The following GAP43 variants were observed in gnomAD, a reference collection of about 807,000 sequenced individuals.
GAP43 encodes the protein neuromodulin.
A neutral mutation model predicts 18.6 loss-of-function variants in GAP43; 6 were observed. The observed-to-expected ratio is 0.32, with a 90% CI of 0.18 to 0.64. The LOEUF (loss-of-function observed/expected upper bound fraction) is 0.64, where lower values mean the gene tolerates loss of function less well. Ranked by LOEUF, GAP43 falls within the 30% of genes least tolerant of loss-of-function variation. The pLI is 0.78. For synonymous variants in GAP43, 115 were observed against 111.4 expected (o/e 1.03, Z -0.20); for missense variants, 292 against 295.5 (o/e 0.99, Z 0.09).
At chr3:115,692,915 C>T (rs535143673) in intron 2 of GAP43, among the ~76,000 whole-genome samples, 2 of 152,180 alleles carry the variant, frequency 1.3e-5, no homozygotes, top group South Asian at 2.1e-4. Flanking sequence ...ATTCGAAGGA[C>T]CAAAAAATCA....
At chr3:115,668,127 G>T (rs1708756370) in intron 1 of GAP43, among the ~76,000 whole-genome samples, 1 of 152,172 alleles carries the variant, frequency 6.6e-6, no homozygotes, top group Non-Finnish European at 1.5e-5. Flanking sequence ...TTTGACCCTT[G>T]ATTCAGTTAG....
intron 2 of GAP43, among the ~76,000 whole-genome samples, chr3:115,700,998 G>A (rs1029088236): frequency 9.2e-5 from 14 of 152,106 alleles, no homozygotes; most frequent in African/African-American, 3.4e-4. Context: ...ATGACAAAAT[G>A]TTTAAATTTA....
chr3:115,663,478 A>C, intron 1 of GAP43: 1 of 1,116,614 alleles, frequency 9.0e-7, no homozygotes, highest in Non-Finnish European at 1.1e-6. Context: ...TTCTCCCAGT[A>C]TTGCTTTCCC....
intron 1 of GAP43, among the ~76,000 whole-genome samples, chr3:115,630,980 G>A (rs1708253994): frequency 6.6e-6 from 1 of 152,204 alleles, no homozygotes; most frequent in Non-Finnish European, 1.5e-5. Flanking sequence ...TAGGGGAGAT[G>A]TTCTGGGACA....
Position 115,697,426 on chromosome 3 carries a change from C to G in GAP43, c.628+20816C>G, listed in dbSNP as rs553351481. ...TCACCGTCCTTTGTCCCTGTACATT[C>G]TTTGGTGACTCATAGAGTTCTCACA... On this transcript the variant is annotated intron_variant, in intron 2 of 2. Coordinates refer to ENST00000305124, the MANE Select transcript of GAP43 (RefSeq NM_002045.4). Among the ~76,000 whole-genome samples, 4 of 152,270 alleles carry G rather than the reference C, an allele frequency of 2.6e-5. No individual in the cohort carries two copies. The South Asian group carries it at 8.3e-4, about 32-fold the overall frequency.
intron 1 of GAP43, chr3:115,663,985 C>T (rs1408215874): frequency 1.4e-5 from 20 of 1,452,750 alleles, no homozygotes; most frequent in Middle Eastern, 1.8e-4. Context: ...CACTTACTAG[C>T]TGTATGACTT....
intron 1 of GAP43, among the ~76,000 whole-genome samples, chr3:115,654,905 T>C (rs1231755785): frequency 6.6e-6 from 1 of 152,148 alleles, no homozygotes; most frequent in Non-Finnish European, 1.5e-5. Flanking sequence ...AGTGAGGTGA[T>C]TTTTAAAGAA....
chr3:115,659,839 G>A (rs563437202), intron 1 of GAP43, among the ~76,000 whole-genome samples: 1 of 152,224 alleles, frequency 6.6e-6, no homozygotes, highest in East Asian at 1.9e-4. Flanking sequence ...TAAATAGGTT[G>A]AAGCCAACTG....
intron 2 of GAP43, among the ~76,000 whole-genome samples, chr3:115,677,361 T>C (rs1708906073): frequency 6.6e-6 from 1 of 152,200 alleles, no homozygotes; most frequent in African/African-American, 2.4e-5. Context: ...GCATAAATAA[T>C]TGAGGGTTCC....
At chr3:115,686,590 TA>T (rs1198950119) in intron 2 of GAP43, among the ~76,000 whole-genome samples, 1 of 152,212 alleles carries the variant, frequency 6.6e-6, no homozygotes, top group Non-Finnish European at 1.5e-5. Flanking sequence ...TTAGGAACTT[TA>T]AACATGAGTT....
chr3:115,644,392 C>G lies in GAP43; in HGVS notation c.30+20673C>G, dbSNP rs1708433447. 6.6e-6 allele frequency among the ~76,000 whole-genome samples: 1 copy of G among 151,958 alleles called. No individual in the cohort carries two copies. The highest frequency in any genetic ancestry group is 2.1e-4 in the South Asian group (1 of 4,826). On this transcript the variant is annotated intron_variant, in intron 1 of 2. Transcript: ENST00000305124. This position sits in a 1 kb window ranked among gnomAD's most constrained non-coding sequence, Gnocchi z 4.2. ...GGTGAGAGTGGGAGGAGTTCAAACA[C>G]TGGTTGATAAAAGGATAACAAACCT...
chr3:115,681,762 A>G (rs1708960840), intron 2 of GAP43, among the ~76,000 whole-genome samples: 2 of 152,212 alleles, frequency 1.3e-5, no homozygotes, highest in African/African-American at 4.8e-5. Context: ...GGATTGTTCC[A>G]TTTAATCATC....
chr3:115,681,732 C>T (rs1000719327), intron 2 of GAP43, among the ~76,000 whole-genome samples: 10 of 152,178 alleles, frequency 6.6e-5, no homozygotes, highest in African/African-American at 2.4e-4. Flanking sequence ...CTGCCAGGTC[C>T]TGTGCTGAGT....
intron 1 of GAP43, among the ~76,000 whole-genome samples, chr3:115,626,258 G>A (rs1017303671): frequency 6.6e-6 from 1 of 152,168 alleles, no homozygotes; most frequent in Admixed American, 6.6e-5. Context: ...GCAAAAACCT[G>A]CAAAGGTCTA....
chr3:115,664,115 A>G (rs1033717255), intron 1 of GAP43, among the ~76,000 whole-genome samples: 2 of 152,066 alleles, frequency 1.3e-5, no homozygotes. Context: ...TACAAACTAT[A>G]TGCAATAAAT....
intron 1 of GAP43, among the ~76,000 whole-genome samples, chr3:115,628,046 CA>C (rs1408925859): frequency 1.3e-5 from 2 of 152,244 alleles, no homozygotes; most frequent in South Asian, 2.1e-4. Flanking sequence ...AGGGCTTAAA[CA>C]TACTTGATGT....
intron 1 of GAP43, among the ~76,000 whole-genome samples, chr3:115,637,295 A>C (rs1325968944): frequency 6.6e-6 from 1 of 152,090 alleles, no homozygotes; most frequent in Non-Finnish European, 1.5e-5. Flanking sequence ...GCATGACTCA[A>C]GAAACACATA....
At position 115,644,596 on chromosome 3, in the gene GAP43, C is replaced by G. The variant is rs1463218223; in HGVS notation, c.30+20877C>G. Reference sequence around the variant, plus strand: ...TAAGTTTCAAGGCAAAAAGAAAAATCCTTTATGGTTACTGAGTATGCTGTG... The same window carrying G: ...TAAGTTTCAAGGCAAAAAGAAAAATGCTTTATGGTTACTGAGTATGCTGTG... On this transcript the variant is annotated intron_variant, in intron 1 of 2. Transcript: ENST00000305124. This position sits in a 1 kb window ranked among gnomAD's most constrained non-coding sequence, Gnocchi z 4.2. Among the ~76,000 whole-genome samples the G allele has an allele frequency of 2.0e-5, 3 of 151,986 alleles. No homozygotes were observed. The highest frequency in any genetic ancestry group is 7.2e-5 in the African/African-American group (3 of 41,402).
intron 2 of GAP43, among the ~76,000 whole-genome samples, chr3:115,705,500 AAGAT>A (rs1290079629): frequency 2.0e-5 from 3 of 152,212 alleles, no homozygotes; most frequent in African/African-American, 7.2e-5. Context: ...GTATAACTGA[AAGAT>A]AGTTGGTTAA....
Sources: gnomAD v4.1 joint callset for allele counts (sites outside exome capture counted in the v4.1 genomes callset) on GRCh38, gnomAD v4.1.1 for gene constraint, Gnocchi (gnomAD v3.1) non-coding constraint, MANE v1.5 for transcripts, NCBI Gene and HGNC (gene_info 2026-07-23, HGNC 2026-07-21) for gene names.